MAGI2: variants seen among roughly 807,000 people sequenced by gnomAD.
The protein encoded by MAGI2 is membrane associated guanylate kinase, WW and PDZ domain containing 2.
Under a neutral mutation model 133.3 loss-of-function variants are expected in MAGI2, and 35 were observed. That is an observed-to-expected ratio of 0.26 (90% confidence interval 0.20 to 0.35). The LOEUF is 0.35. Among genes scored for constraint, MAGI2 ranks in the 10% least tolerant of loss-of-function variants. The probability of loss-of-function intolerance (pLI) is 1.00; values close to 1 mark genes in which losing one functional copy is unlikely to be tolerated. For missense variants in MAGI2, 1,636 were observed against 1,863.4 expected (o/e 0.88, Z 2.25); for synonymous variants, 729 against 710.6 (o/e 1.03, Z -0.41).
chr7:78,446,025 C>T (rs950996306), intron 6 of MAGI2, among the ~76,000 whole-genome samples: 2 of 109,536 alleles, frequency 1.8e-5, no homozygotes, highest in Non-Finnish European at 4.1e-5. Context: ...CAAGCTCTGC[C>T]AGTTTCTATT....
chr7:78,202,775 G>A lies in MAGI2; in HGVS notation c.2048-1582C>T, dbSNP rs114347213. Among the ~76,000 whole-genome samples, 579 of 151,942 alleles carry A rather than the reference G, an allele frequency of 3.8e-3. 1 individual carries two copies. Among genetic ancestry groups the A allele is most frequent in the African/African-American group, 0.013 (553 of 41,428 alleles). Reference sequence around the variant, plus strand: ...CTAGAGTTACACTTAATGTTTAGGGGTAATAACCATCTTACCCAAGAAGTT... The same window carrying A: ...CTAGAGTTACACTTAATGTTTAGGGATAATAACCATCTTACCCAAGAAGTT... On this transcript the variant is annotated intron_variant, in intron 10 of 21. Transcript: ENST00000354212.
chr7:78,573,262 A>ATATATATATTTATATAT (rs1491507693), intron 3 of MAGI2, among the ~76,000 whole-genome samples: 1 of 18,024 alleles, frequency 5.5e-5, no homozygotes, highest in Non-Finnish European at 9.4e-5. Context: ...ATATAAATAT[A>ATATATATATTTATATAT]AATATATATA....
At chr7:78,991,313 C>CACAT (rs1805754350) in intron 2 of MAGI2, among the ~76,000 whole-genome samples, 2 of 148,480 alleles carry the variant, frequency 1.3e-5, no homozygotes, top group South Asian at 4.3e-4. Context: ...AATAGACACA[C>CACAT]ACATACACAC....
chr7:78,405,237 T>C (rs552335953), intron 6 of MAGI2, among the ~76,000 whole-genome samples: 17 of 152,258 alleles, frequency 1.1e-4, no homozygotes, highest in East Asian at 3.9e-4. Flanking sequence ...CTCAAATTTA[T>C]GTTAGATACT....
intron 1 of MAGI2, among the ~76,000 whole-genome samples, chr7:79,081,807 G>A (rs1816062526): frequency 6.6e-6 from 1 of 151,988 alleles, no homozygotes; most frequent in South Asian, 2.1e-4. Flanking sequence ...GGAAAAAATG[G>A]AGCTTTCAGA....
intron 1 of MAGI2, among the ~76,000 whole-genome samples, chr7:79,082,863 T>C (rs1004011061): frequency 6.6e-6 from 1 of 151,898 alleles, no homozygotes; most frequent in Non-Finnish European, 1.5e-5. Context: ...TTCTAGTTAT[T>C]TAGGTCTTCT....
chr7:79,274,945 C>T (rs1182079138), intron 1 of MAGI2, among the ~76,000 whole-genome samples: 3 of 152,130 alleles, frequency 2.0e-5, no homozygotes, highest in Admixed American at 1.3e-4. Context: ...TGAACCTAAT[C>T]GATAAATGCT....
intron 1 of MAGI2, among the ~76,000 whole-genome samples, chr7:79,336,583 G>T (rs979020403): frequency 1.3e-5 from 2 of 152,124 alleles, no homozygotes; most frequent in African/African-American, 4.8e-5. Context: ...TTCAAATAGT[G>T]TGTGTGAAGA....
At chr7:79,011,924 C>CCTTCCTTTCTTT (rs1413880167) in intron 1 of MAGI2, among the ~76,000 whole-genome samples, 34 of 121,284 alleles carry the variant, frequency 2.8e-4, no homozygotes, top group East Asian at 9.8e-4. Context: ...TTCCTTCCTT[C>CCTTCCTTTCTTT]CTTTCTTTCT....
intron 2 of MAGI2, among the ~76,000 whole-genome samples, chr7:78,964,754 C>T (rs1036505522): frequency 1.1e-4 from 17 of 152,052 alleles, no homozygotes; most frequent in African/African-American, 3.6e-4. Flanking sequence ...GGAGTAGTTA[C>T]CAGCTTAGGA....
chr7:78,518,533 G>T (rs1355900911), intron 4 of MAGI2: 1 of 152,030 alleles, frequency 6.6e-6, no homozygotes, highest in Non-Finnish European at 1.5e-5. Context: ...CAAAAGAAGT[G>T]AATTATTTTA....
chr7:78,481,143 C>T (rs942400529), intron 6 of MAGI2, among the ~76,000 whole-genome samples: 1 of 151,880 alleles, frequency 6.6e-6, no homozygotes, highest in African/African-American at 2.4e-5. Context: ...GGAACTATCA[C>T]TGTATTAGTC....
intron 6 of MAGI2, among the ~76,000 whole-genome samples, chr7:78,448,850 G>A (rs764938205): frequency 6.6e-6 from 1 of 152,142 alleles, no homozygotes; most frequent in Non-Finnish European, 1.5e-5. Context: ...ACATGAAGAG[G>A]TTAGGACAGA....
At chr7:79,346,194 T>C (rs918427758) in intron 1 of MAGI2, among the ~76,000 whole-genome samples, 1 of 151,974 alleles carries the variant, frequency 6.6e-6, no homozygotes, top group Non-Finnish European at 1.5e-5. Context: ...TGTTTTCATT[T>C]TCTTATGAGT....
At chr7:78,351,141 A>G (rs1422502586) in intron 7 of MAGI2, among the ~76,000 whole-genome samples, 1 of 152,114 alleles carries the variant, frequency 6.6e-6, no homozygotes. Flanking sequence ...TACTGAATAA[A>G]TACATGAATG....
intron 3 of MAGI2, among the ~76,000 whole-genome samples, chr7:78,547,760 C>T (rs1798982656): frequency 6.6e-6 from 1 of 152,220 alleles, no homozygotes; most frequent in South Asian, 2.1e-4. Context: ...AGAAAACCCA[C>T]ACAGACAAAG....
intron 13 of MAGI2, among the ~76,000 whole-genome samples, chr7:78,181,321 T>TGTC (rs1827167783): frequency 6.6e-6 from 1 of 152,204 alleles, no homozygotes; most frequent in Admixed American, 6.5e-5. Context: ...GGGTGTCTGG[T>TGTC]AGACACCTAT....
chr7:79,122,515 TAG>T (rs1554369252), intron 1 of MAGI2, among the ~76,000 whole-genome samples: 1 of 152,220 alleles, frequency 6.6e-6, no homozygotes, highest in Non-Finnish European at 1.5e-5. Context: ...AGTTGATACA[TAG>T]AGTTTATCAC....
chr7:79,251,907 A>G (rs1007766646), intron 1 of MAGI2, among the ~76,000 whole-genome samples: 3 of 152,124 alleles, frequency 2.0e-5, no homozygotes, highest in Non-Finnish European at 4.4e-5. Flanking sequence ...CTGTAATCCC[A>G]GCACTTTGGG....
Sources: gnomAD v4.1 joint callset for allele counts (sites outside exome capture counted in the v4.1 genomes callset) on GRCh38, gnomAD v4.1.1 for gene constraint, MANE v1.5 for transcripts, NCBI Gene and HGNC (gene_info 2026-07-23, HGNC 2026-07-21) for gene names.